PLCB1: variants seen among roughly 807,000 people sequenced by gnomAD.
PLCB1 encodes the protein phospholipase C beta 1.
Under a neutral mutation model 161.8 loss-of-function variants are expected in PLCB1, and 46 were observed. The ratio of observed to expected loss-of-function variants is 0.28; its 90% CI spans 0.22 to 0.36. The LOEUF (loss-of-function observed/expected upper bound fraction) is 0.36, where lower values mean the gene tolerates loss of function less well. PLCB1 is among the 10% of genes least tolerant of loss of function. The pLI is 1.00. For synonymous variants in PLCB1, 517 were observed against 503.7 expected (o/e 1.03, Z -0.35); for missense variants, 1,016 against 1,472.5 (o/e 0.69, Z 5.07).
At chr20:8,246,827 A>G (rs1452470646) in intron 2 of PLCB1, among the ~76,000 whole-genome samples, 1 of 151,596 alleles carries the variant, frequency 6.6e-6, no homozygotes, top group Non-Finnish European at 1.5e-5. Flanking sequence ...TTTTTTTCTG[A>G]GATGAGGATT....
At chr20:8,438,881 C>CT (rs945938052) in intron 3 of PLCB1, among the ~76,000 whole-genome samples, 1 of 152,158 alleles carries the variant, frequency 6.6e-6, no homozygotes, top group African/African-American at 2.4e-5. Context: ...ACCCACTCTG[C>CT]TTTTTTTGTG....
intron 2 of PLCB1, among the ~76,000 whole-genome samples, chr20:8,334,390 A>C (rs1359423238): frequency 6.6e-6 from 1 of 152,238 alleles, no homozygotes; most frequent in Non-Finnish European, 1.5e-5. Flanking sequence ...GTATACATAA[A>C]ACATTTACTA....
intron 3 of PLCB1, among the ~76,000 whole-genome samples, chr20:8,430,603 C>T (rs1036435879): frequency 6.6e-6 from 1 of 152,090 alleles, no homozygotes; most frequent in Non-Finnish European, 1.5e-5. Flanking sequence ...AAGAATAGGC[C>T]AACCTAACTG....
chr20:8,683,507 T>C (rs895393118), intron 9 of PLCB1, among the ~76,000 whole-genome samples: 3 of 152,166 alleles, frequency 2.0e-5, no homozygotes, highest in African/African-American at 7.2e-5. Flanking sequence ...ATTGTAGTGA[T>C]AGACCAAAAT....
At chr20:8,286,415 A>G (rs1372820991) in intron 2 of PLCB1, among the ~76,000 whole-genome samples, 5 of 152,210 alleles carry the variant, frequency 3.3e-5, no homozygotes, top group South Asian at 2.1e-4. Flanking sequence ...CTGATTTCTC[A>G]TATTATGTAA....
Position 8,239,299 on chromosome 20 carries a change from C to A in PLCB1, c.177+88928C>A, listed in dbSNP as rs73607870. On this transcript the variant is annotated intron_variant, in intron 2 of 31. Transcript: ENST00000338037. ...GAAGAGACCCAAAGTCATCAACAAGCCTTCTCATGAACTTTCAGTCATTAA... is the reference window on the plus strand; with the variant it reads ...GAAGAGACCCAAAGTCATCAACAAGACTTCTCATGAACTTTCAGTCATTAA... Among the ~76,000 whole-genome samples the A allele has an allele frequency of 2.4e-3, 370 of 152,038 alleles. 4 individuals carry two copies. Among genetic ancestry groups the A allele is most frequent in the African/African-American group, 8.5e-3 (353 of 41,504 alleles).
At chr20:8,637,017 G>C (rs886234894) in intron 4 of PLCB1, among the ~76,000 whole-genome samples, 3 of 137,468 alleles carry the variant, frequency 2.2e-5, no homozygotes, top group African/African-American at 8.1e-5. Context: ...CTGGAAGCAA[G>C]AACATGAGCA....
intron 3 of PLCB1, among the ~76,000 whole-genome samples, chr20:8,402,699 G>A (rs1019999024): frequency 1.3e-5 from 2 of 149,404 alleles, no homozygotes; most frequent in Admixed American, 6.7e-5. Context: ...AAAAAAATTA[G>A]CCAGGCGTGG....
At chr20:8,410,008 A>G (rs368698451) in intron 3 of PLCB1, among the ~76,000 whole-genome samples, 1 of 152,172 alleles carries the variant, frequency 6.6e-6, no homozygotes, top group African/African-American at 2.4e-5. Flanking sequence ...TAGCTAAAAA[A>G]AAATTAGAAC....
At chr20:8,841,318 A>G (rs182262460) in intron 31 of PLCB1, among the ~76,000 whole-genome samples, 267 of 152,346 alleles carry the variant, frequency 1.8e-3, no homozygotes, top group African/African-American at 6.3e-3. Context: ...AGCCATTTCT[A>G]AAATAATACT....
At chr20:8,144,652 T>C (rs2051436003) in intron 1 of PLCB1, among the ~76,000 whole-genome samples, 1 of 152,058 alleles carries the variant, frequency 6.6e-6, no homozygotes, top group Non-Finnish European at 1.5e-5. Context: ...CATTTCATAG[T>C]CAGGGCTGTA....
At chr20:8,316,824 T>A (rs1462575236) in intron 2 of PLCB1, among the ~76,000 whole-genome samples, 1 of 152,022 alleles carries the variant, frequency 6.6e-6, no homozygotes, top group African/African-American at 2.4e-5. Flanking sequence ...TTAGTACAGA[T>A]CCCCAGTCCC....
intron 2 of PLCB1, among the ~76,000 whole-genome samples, chr20:8,178,230 G>T (rs1390741358): frequency 2.0e-5 from 3 of 152,170 alleles, no homozygotes; most frequent in Non-Finnish European, 4.4e-5. Context: ...GGGTTGCTGG[G>T]TTGAATGGTA....
chr20:8,804,282 A>G (rs1221469134), intron 31 of PLCB1, among the ~76,000 whole-genome samples: 2 of 152,208 alleles, frequency 1.3e-5, no homozygotes, highest in African/African-American at 4.8e-5. Flanking sequence ...CAGGCTTGTA[A>G]TAGCGTGTTC....
At chr20:8,677,570 C>T (rs1446217988) in intron 9 of PLCB1, among the ~76,000 whole-genome samples, 3 of 152,058 alleles carry the variant, frequency 2.0e-5, no homozygotes, top group African/African-American at 7.2e-5. Flanking sequence ...CAAAGCACAT[C>T]ATTGTGAAAT....
chr20:8,824,967 G>C (rs528140671), intron 31 of PLCB1, among the ~76,000 whole-genome samples: 3 of 152,154 alleles, frequency 2.0e-5, no homozygotes, highest in Non-Finnish European at 4.4e-5. Context: ...CAGAGGTGAA[G>C]CATCATTGGA....
At chr20:8,232,593 T>C (rs1310061190) in intron 2 of PLCB1, among the ~76,000 whole-genome samples, 2 of 152,156 alleles carry the variant, frequency 1.3e-5, no homozygotes, top group African/African-American at 4.8e-5. Context: ...TCTCATTTGC[T>C]TTGCTCTTCT....
chr20:8,830,630 T>C (rs1245071759), intron 31 of PLCB1, among the ~76,000 whole-genome samples: 1 of 152,202 alleles, frequency 6.6e-6, no homozygotes, highest in Non-Finnish European at 1.5e-5. Context: ...CATTTTCCTT[T>C]ATGTATCCGA....
intron 4 of PLCB1, among the ~76,000 whole-genome samples, chr20:8,638,039 G>C (rs1988819144): frequency 6.6e-6 from 1 of 152,260 alleles, no homozygotes; most frequent in South Asian, 2.1e-4. Context: ...GGGACTACAG[G>C]CACCCGCCAC....
Sources: allele counts gnomAD v4.1 joint callset (sites outside exome capture counted in the v4.1 genomes callset), GRCh38; gene constraint gnomAD v4.1.1; transcripts MANE v1.5; gene names NCBI Gene and HGNC (gene_info 2026-07-23, HGNC 2026-07-21).